The following CNTN3 variants were observed in gnomAD, a reference collection of about 807,000 sequenced individuals.
CNTN3 encodes the protein contactin 3, also known as contactin-3.
In CNTN3, 60 loss-of-function variants were observed where a neutral mutation model predicts 119.1. That is an observed-to-expected ratio of 0.50 (90% CI 0.41 to 0.62). The LOEUF is 0.62. Ranked by LOEUF, CNTN3 falls within the 20% of genes least tolerant of loss-of-function variation. The pLI is 0.00. For synonymous variants in CNTN3, 450 were observed against 438.7 expected (o/e 1.03, Z -0.32); for missense variants, 1,101 against 1,242.4 (o/e 0.89, Z 1.71).
chr3:74,530,939 G>T lies in CNTN3; in HGVS notation c.-80-9747C>A, dbSNP rs1014262580. Among the ~76,000 whole-genome samples the T allele has an allele frequency of 3.3e-5, 5 of 151,910 alleles. No homozygotes were observed. In the East Asian group the frequency reaches 7.8e-4, roughly 24 times the overall value. ...AGAAAACGCCAGTTCTGCACTTCTA[G>T]CAAGTCCAAAGTGACATGACGCTAA... On this transcript the variant is annotated intron_variant, in intron 1 of 22. Coordinates refer to ENST00000263665, the MANE Select transcript of CNTN3 (RefSeq NM_020872.3).
At chr3:74,469,358 A>G (rs1702519117) in intron 4 of CNTN3, among the ~76,000 whole-genome samples, 1 of 152,334 alleles carries the variant, frequency 6.6e-6, no homozygotes, top group African/African-American at 2.4e-5. Flanking sequence ...TCTACTAAGT[A>G]CAAAAAATTC....
chr3:74,575,223 G>T (rs1704395066), intron 1 of CNTN3, among the ~76,000 whole-genome samples: 1 of 151,894 alleles, frequency 6.6e-6, no homozygotes, highest in South Asian at 2.1e-4. Context: ...CCACCCAGAA[G>T]TGTTTTCTAT....
chr3:74,507,543 C>T (rs1183933536), intron 2 of CNTN3, among the ~76,000 whole-genome samples: 1 of 151,858 alleles, frequency 6.6e-6, no homozygotes, highest in Non-Finnish European at 1.5e-5. Flanking sequence ...AAGCAGAAGC[C>T]AGCACTGTGT....
intron 10 of CNTN3, 55 bp from the exon 11 acceptor site, chr3:74,362,095 C>T (rs2106772678): frequency 1.3e-6 from 2 of 1,585,796 alleles, no homozygotes; most frequent in East Asian, 2.2e-5. Flanking sequence ...AACTTCTTGT[C>T]AATTTCAAAG....
chr3:74,545,481 T>C (rs542150583), intron 1 of CNTN3, among the ~76,000 whole-genome samples: 272 of 152,338 alleles, frequency 1.8e-3, no homozygotes, highest in African/African-American at 6.4e-3. Context: ...CCACCATGTC[T>C]GAAGTGTTGT....
chr3:74,331,121 C>T (rs1703254384), intron 13 of CNTN3, among the ~76,000 whole-genome samples: 1 of 152,198 alleles, frequency 6.6e-6, no homozygotes, highest in African/African-American at 2.4e-5. Flanking sequence ...ATGTCCTAGC[C>T]TTCACCTTCA....
chr3:74,520,048 C>T (rs1703516770), intron 2 of CNTN3, among the ~76,000 whole-genome samples: 1 of 151,510 alleles, frequency 6.6e-6, no homozygotes, highest in Non-Finnish European at 1.5e-5. Flanking sequence ...CTCCATTTGG[C>T]CTCATTCCGC....
At chr3:74,318,368 C>T (rs564588965) in intron 13 of CNTN3, among the ~76,000 whole-genome samples, 5 of 152,282 alleles carry the variant, frequency 3.3e-5, no homozygotes, top group East Asian at 1.9e-4. Context: ...AGCTTTGTTC[C>T]GTTGCTGGTG....
At chr3:74,454,037 C>A (rs1702214283) in intron 4 of CNTN3, among the ~76,000 whole-genome samples, 1 of 143,506 alleles carries the variant, frequency 7.0e-6, no homozygotes, top group South Asian at 2.4e-4. Context: ...CCGCTTGGTG[C>A]AGAGCTGAGT....
intron 4 of CNTN3, among the ~76,000 whole-genome samples, chr3:74,434,614 A>G (rs903401196): frequency 3.9e-5 from 6 of 152,168 alleles, no homozygotes; most frequent in African/African-American, 9.7e-5. Flanking sequence ...GATTCTCTCT[A>G]GCTATTTGAA....
Position 74,335,132 on chromosome 3 carries a change from AT to A in CNTN3, c.1493-223del, listed in dbSNP as rs369341812. ...AAATTCTTGTTAAAGAAATTAGGAT[AT>A]TTGAACTTGTAGGACATGTAAGTTT... On this transcript the variant is annotated intron_variant, in intron 12 of 22. Coordinates refer to ENST00000263665, the MANE Select transcript of CNTN3 (RefSeq NM_020872.3). 3.1e-4 allele frequency among the ~76,000 whole-genome samples: 47 copies of A among 152,324 alleles called. No homozygotes were observed. The East Asian group carries it at 7.7e-3, about 25-fold the overall frequency.
intron 20 of CNTN3, among the ~76,000 whole-genome samples, chr3:74,269,322 AT>A (rs1701722659): frequency 6.6e-6 from 1 of 152,200 alleles, no homozygotes; most frequent in East Asian, 1.9e-4. Flanking sequence ...AACATTCTAA[AT>A]TTTTATAATG....
At chr3:74,444,774 T>C (rs1367610688) in intron 4 of CNTN3, among the ~76,000 whole-genome samples, 1 of 152,206 alleles carries the variant, frequency 6.6e-6, no homozygotes, top group Non-Finnish European at 1.5e-5. Flanking sequence ...ATTATAACCC[T>C]ATCAGGTACT....
At chr3:74,557,764 G>C (rs1223153332) in intron 1 of CNTN3, among the ~76,000 whole-genome samples, 1 of 150,276 alleles carries the variant, frequency 6.7e-6, no homozygotes, top group Non-Finnish European at 1.5e-5. Flanking sequence ...CAGTCAGAGA[G>C]AGCTTGGAAT....
In CNTN3 at chr3:74,600,725, T is replaced by C. The variant is rs542796961; in HGVS notation, c.-81+13666A>G. Among the ~76,000 whole-genome samples the C allele has an allele frequency of 1.1e-4, 16 of 152,146 alleles. 1 individual carries two copies. The highest frequency in any genetic ancestry group is 1.6e-4 in the Non-Finnish European group (11 of 67,988). On this transcript the variant is annotated intron_variant, in intron 1 of 22. Coordinates refer to ENST00000263665, the MANE Select transcript of CNTN3 (RefSeq NM_020872.3). ...CTACCCAAATCATGGCCTTTCACTA[T>C]AGCAACTAAAATTCACCAAGTAGCC...
At chr3:74,387,488 C>T (rs1704779552) in intron 5 of CNTN3, among the ~76,000 whole-genome samples, 1 of 152,204 alleles carries the variant, frequency 6.6e-6, no homozygotes, top group Non-Finnish European at 1.5e-5. Context: ...TGCCAAAACA[C>T]AGCATGTTTT....
intron 1 of CNTN3, among the ~76,000 whole-genome samples, chr3:74,577,451 C>T (rs1029168237): frequency 6.6e-6 from 1 of 152,010 alleles, no homozygotes; most frequent in Admixed American, 6.6e-5. Context: ...AATTAGAGTA[C>T]GTGTATGTTA....
intron 1 of CNTN3, among the ~76,000 whole-genome samples, chr3:74,527,393 T>C (rs2107130862): frequency 6.6e-6 from 1 of 152,008 alleles, no homozygotes; most frequent in South Asian, 2.1e-4. Context: ...TCTTGTTGTA[T>C]GTATATTGCA....
intron 2 of CNTN3, among the ~76,000 whole-genome samples, chr3:74,511,166 T>G (rs1005609314): frequency 6.6e-6 from 1 of 152,110 alleles, no homozygotes; most frequent in Non-Finnish European, 1.5e-5. Flanking sequence ...TCCAGAGATT[T>G]AGGCCTAAAG....
Sources: gnomAD v4.1 joint callset for allele counts (sites outside exome capture counted in the v4.1 genomes callset) on GRCh38, gnomAD v4.1.1 for gene constraint, MANE v1.5 for transcripts, NCBI Gene and HGNC (gene_info 2026-07-23, HGNC 2026-07-21) for gene names.